Variants in ITGB6 observed in about 807,000 individuals in gnomAD.
ITGB6 encodes the protein integrin subunit beta 6.
Under a neutral mutation model 84.5 loss-of-function variants are expected in ITGB6, and 80 were observed. The observed-to-expected ratio is 0.95, with a 90% CI of 0.79 to 1.14. The LOEUF (loss-of-function observed/expected upper bound fraction) is 1.14. Ranked by LOEUF, ITGB6 falls within the 50% of genes most tolerant of loss-of-function variation. ITGB6 has a pLI of 0.00. For missense variants in ITGB6, 1,006 were observed against 968.0 expected, an observed-to-expected ratio of 1.04 and a Z score of -0.52; for synonymous variants, 383 against 354.9, an observed-to-expected ratio of 1.08 and a Z score of -0.89.
chr2:160,140,794 G>C lies in ITGB6; in HGVS notation c.1107+1188C>G, dbSNP rs139819566. 4.2e-3 allele frequency among the ~76,000 whole-genome samples: 638 copies of C among 152,254 alleles called. 1 individual carries two copies. The highest frequency in any genetic ancestry group is 0.014 in the African/African-American group (597 of 41,540). On this transcript the variant is annotated intron_variant, in intron 8 of 14. Transcript: ENST00000283249. ...TCTTATAATTTTAATGGACACATCT[G>C]TATTTTATTTTCTGAAGAAATGAAG...
chr2:160,118,406 A>G (rs1002463642), intron 12 of ITGB6, among the ~76,000 whole-genome samples: 1 of 152,236 alleles, frequency 6.6e-6, no homozygotes, highest in Non-Finnish European at 1.5e-5. Context: ...GGAACCAAAG[A>G]CAAAAACCAC....
intron 8 of ITGB6, 128 bp from the exon 9 acceptor site, chr2:160,138,327 G>C: frequency 1.2e-6 from 1 of 818,888 alleles, no homozygotes; most frequent in Middle Eastern, 3.8e-4. Flanking sequence ...AAGAAATTCA[G>C]TATATCATCA....
intron 9 of ITGB6, 77 bp from the exon 10 acceptor site, chr2:160,137,928 C>A: frequency 1.3e-6 from 2 of 1,549,734 alleles, no homozygotes; most frequent in Non-Finnish European, 1.7e-6. Context: ...CGGAAATCAG[C>A]TTTGCCAAAA....
At chr2:160,170,480 C>T (rs756152376) in intron 6 of ITGB6, among the ~76,000 whole-genome samples, 7 of 152,152 alleles carry the variant, frequency 4.6e-5, no homozygotes, top group African/African-American at 7.2e-5. Context: ...CCCTCCAGTG[C>T]CAGTCCCTCC....
intron 13 of ITGB6, among the ~76,000 whole-genome samples, chr2:160,110,480 C>A (rs1682448717): frequency 6.6e-6 from 1 of 152,198 alleles, no homozygotes; most frequent in Non-Finnish European, 1.5e-5. Context: ...GGGCCTGGAG[C>A]CTCCAAGTTG....
intron 14 of ITGB6, 52 bp from the exon 15 acceptor site, chr2:160,101,886 C>G (rs773711296): frequency 4.9e-6 from 5 of 1,018,506 alleles, no homozygotes; most frequent in African/African-American, 1.6e-5. Flanking sequence ...TGTTTTTATA[C>G]TGTTTTAATA....
chr2:160,194,754 T>C (rs1686267562), intron 4 of ITGB6, among the ~76,000 whole-genome samples: 1 of 152,150 alleles, frequency 6.6e-6, no homozygotes, highest in African/African-American at 2.4e-5. Context: ...AAGCAATCTG[T>C]CCTCCACCAT....
At chr2:160,147,816 T>C (rs1319617862) in intron 7 of ITGB6, among the ~76,000 whole-genome samples, 2 of 152,084 alleles carry the variant, frequency 1.3e-5, no homozygotes, top group African/African-American at 4.8e-5. Context: ...TTCACAAACA[T>C]TAGCTCAAAA....
At chr2:160,128,021 T>C (rs1683303693) in intron 10 of ITGB6, among the ~76,000 whole-genome samples, 1 of 152,146 alleles carries the variant, frequency 6.6e-6, no homozygotes, top group African/African-American at 2.4e-5. Flanking sequence ...ATACACTGAG[T>C]GCTCAAAAAA....
intron 7 of ITGB6, among the ~76,000 whole-genome samples, chr2:160,146,274 CA>C (rs1684183019): frequency 6.6e-6 from 1 of 152,102 alleles, no homozygotes; most frequent in African/African-American, 2.4e-5. Flanking sequence ...ACACATATAC[CA>C]TGTTTAATGA....
Position 160,101,696 on chromosome 2 carries a change from C to A in ITGB6, c.*40G>T. The A allele has an allele frequency of 9.1e-7, 1 of 1,103,200 alleles. No individual in the cohort carries two copies. Among genetic ancestry groups the A allele is most frequent in the South Asian group, 1.3e-5 (1 of 78,592 alleles). The allele number at this position is 1,103,200 out of a possible 1,614,324, so 68.3% of individuals were successfully genotyped here. A position where few individuals can be genotyped will look rare whatever the true frequency, so the allele number is the denominator to read the frequency against. On this transcript the variant is annotated 3_prime_UTR_variant, in exon 15 of 15. Coordinates refer to ENST00000283249, the MANE Select transcript of ITGB6 (RefSeq NM_000888.5). ...AAAATTAAATAGTGCATTAACATTT[C>A]ATATCAGTGAAACAGACTTTTTTCA...
At chr2:160,117,865 C>T (rs1682855022) in intron 12 of ITGB6, among the ~76,000 whole-genome samples, 1 of 152,128 alleles carries the variant, frequency 6.6e-6, no homozygotes, top group Non-Finnish European at 1.5e-5. Flanking sequence ...TACAAACTAC[C>T]ATCAGAGAAT....
chr2:160,117,306 C>T (rs932302181), intron 12 of ITGB6, among the ~76,000 whole-genome samples: 1 of 151,834 alleles, frequency 6.6e-6, no homozygotes, highest in East Asian at 1.9e-4. Flanking sequence ...GAAATTATAA[C>T]AAACTGTCTC....
intron 7 of ITGB6, among the ~76,000 whole-genome samples, chr2:160,152,683 G>T (rs1035861505): frequency 6.6e-6 from 1 of 152,162 alleles, no homozygotes; most frequent in Non-Finnish European, 1.5e-5. Flanking sequence ...TGACATGATT[G>T]TATATCTAGA....
chr2:160,103,125 C>T (rs571328333), intron 14 of ITGB6, among the ~76,000 whole-genome samples: 1 of 152,218 alleles, frequency 6.6e-6, no homozygotes, highest in Non-Finnish European at 1.5e-5. Context: ...AAATCTTATA[C>T]TTTGATCACC....
chr2:160,154,440 G>A (rs1684547855), intron 7 of ITGB6, among the ~76,000 whole-genome samples: 1 of 151,908 alleles, frequency 6.6e-6, no homozygotes. Context: ...TTATGGGGTG[G>A]GGGGCTGGGG....
intron 4 of ITGB6, among the ~76,000 whole-genome samples, chr2:160,187,521 A>G (rs1002458803): frequency 3.9e-5 from 6 of 152,144 alleles, no homozygotes; most frequent in African/African-American, 1.2e-4. Flanking sequence ...CTTTCCAACT[A>G]TATGTTTACA....
At chr2:160,159,555 AG>A (rs1371368615) in intron 7 of ITGB6, among the ~76,000 whole-genome samples, 1 of 152,140 alleles carries the variant, frequency 6.6e-6, no homozygotes, top group Admixed American at 6.5e-5. Context: ...ACTGCCTTCA[AG>A]ATTGAAGGGT....
intron 7 of ITGB6, among the ~76,000 whole-genome samples, chr2:160,151,769 C>T (rs1471720610): frequency 6.6e-6 from 1 of 152,028 alleles, no homozygotes; most frequent in African/African-American, 2.4e-5. Context: ...CGGGATATCA[C>T]CACTGATCCC....
Sources: allele counts gnomAD v4.1 joint callset (sites outside exome capture counted in the v4.1 genomes callset), GRCh38; gene constraint gnomAD v4.1.1; transcripts MANE v1.5; gene names NCBI Gene and HGNC (gene_info 2026-07-23, HGNC 2026-07-21).